PLXND1: variants seen among roughly 807,000 people sequenced by gnomAD.
PLXND1 encodes plexin D1.
In PLXND1, 54 loss-of-function variants were observed where a neutral mutation model predicts 197.7. That is an observed-to-expected ratio of 0.27 (90% confidence interval 0.22 to 0.34). The LOEUF (loss-of-function observed/expected upper bound fraction) is 0.34, where lower values mean the gene tolerates loss of function less well. Among genes scored for constraint, PLXND1 ranks in the 10% least tolerant of loss-of-function variants. The probability of loss-of-function intolerance (pLI) is 1.00; values close to 1 mark genes in which losing one functional copy is unlikely to be tolerated. For synonymous variants in PLXND1, 1,180 were observed against 1,161.2 expected (o/e 1.02, Z -0.33); for missense variants, 2,127 against 2,699.2 (o/e 0.79, Z 4.70).
chr3:129,586,533 A>G, intron 3 of PLXND1, 55 bp downstream of exon 3: 4 of 1,551,068 alleles, frequency 2.6e-6, no homozygotes, highest in African/African-American at 1.4e-5. Context: ...AGGCCAGGCA[A>G]GCAAGAGGGC....
chr3:129,573,821 C>A, intron 12 of PLXND1, 76 bp from the exon 13 acceptor site: 1 of 1,515,534 alleles, frequency 6.6e-7, no homozygotes. Flanking sequence ...CAGTCACAGG[C>A]ACCCAGCAGG....
intron 32 of PLXND1, chr3:129,559,289 C>G (rs992933074): frequency 2.5e-5 from 6 of 237,334 alleles, no homozygotes; most frequent in African/African-American, 1.3e-4. Flanking sequence ...GCAGGTGCTG[C>G]TTCTCCGAGC....
At chr3:129,584,706 G>T in intron 5 of PLXND1, 144 bp from the exon 6 acceptor site, 1 of 704,760 alleles carries the variant, frequency 1.4e-6, no homozygotes. Flanking sequence ...CAGGGCCAGA[G>T]GGCTATGCCC....
chr3:129,585,434 C>A (rs545141146), intron 5 of PLXND1, among the ~76,000 whole-genome samples: 1 of 152,214 alleles, frequency 6.6e-6, no homozygotes, highest in Non-Finnish European at 1.5e-5. Flanking sequence ...TGGCACAAGC[C>A]GGGGGAGACC....
At chr3:129,605,261 T>TAC (rs2085766839) in intron 1 of PLXND1, 68 bp downstream of exon 1, 15 of 493,762 alleles carry the variant, frequency 3.0e-5, no homozygotes, top group South Asian at 7.0e-5. Context: ...CCCGCTCGGT[T>TAC]CCCGCCCGCC....
chr3:129,585,907 G>A, intron 5 of PLXND1, 45 bp downstream of exon 5: 1 of 1,610,754 alleles, frequency 6.2e-7, no homozygotes, highest in Non-Finnish European at 8.5e-7. Flanking sequence ...GTGAAGGGAG[G>A]CTCCCCTGTG....
intron 1 of PLXND1, among the ~76,000 whole-genome samples, chr3:129,593,151 T>C (rs1462735468): frequency 6.6e-6 from 1 of 152,096 alleles, no homozygotes; most frequent in Non-Finnish European, 1.5e-5. Context: ...AGACCCTCCC[T>C]ACCTACAACC....
chr3:129,559,914 C>T (rs1306850642), intron 31 of PLXND1, 131 bp from the exon 32 acceptor site: 17 of 769,142 alleles, frequency 2.2e-5, no homozygotes, highest in Non-Finnish European at 3.4e-5. Flanking sequence ...TCAGGCTGGT[C>T]ACCGAGCCTC....
rs1350799378 is a variant in PLXND1 at position 129,575,514 on chromosome 3, T to C, written c.2485A>G (p.Lys829Glu). 3.9e-6 allele frequency: 6 copies of C among 1,556,854 alleles called. No individual in the cohort carries two copies. Among genetic ancestry groups the C allele is most frequent in the Admixed American group, 3.9e-5 (2 of 51,728 alleles). The change falls in exon 11 of 36, where the codon AAG (lysine) becomes GAG (glutamate). Residue 829 changes from lysine (K) to glutamate (E), a missense_variant. Coordinates refer to ENST00000324093, the MANE Select transcript of PLXND1 (RefSeq NM_015103.3). The part of the protein sequence containing the change: ...SQVFPLSLQL[K>E]GRPARFLDSP... ...TCCAGGAATCGGGCTGGCCGCCCCT[T>C]TAGTTGGAGGCTGAGCGGGAACACC... is the stretch of plus-strand genomic sequence containing the variant.
Position 129,605,596 on chromosome 3 carries a change from G to C in PLXND1, c.1044C>G (p.Gly348=), listed in dbSNP as rs1297611996. The C allele has an allele frequency of 6.6e-7, 1 of 1,525,170 alleles. No homozygotes were observed. The highest frequency in any genetic ancestry group is 1.2e-5 in the South Asian group (1 of 83,354). 94.5% of individuals were successfully genotyped at this position (1,525,170 alleles called of 1,614,324 possible). A position where few individuals can be genotyped will look rare whatever the true frequency, so the allele number is the denominator to read the frequency against. The change falls in exon 1 of 36, where the codon GGC becomes GGG. Residue 348 remains glycine (G), a synonymous_variant. Coordinates refer to ENST00000324093, the MANE Select transcript of PLXND1 (RefSeq NM_015103.3). ...YIQLGLQCAG[G]AGRGDLYSRL... Reference sequence around the variant, plus strand: ...GGCTGTAGAGGTCGCCGCGGCCCGCGCCGCCCGCGCACTGCAAGCCCAACT... The same window carrying C: ...GGCTGTAGAGGTCGCCGCGGCCCGCCCCGCCCGCGCACTGCAAGCCCAACT...
intron 29 of PLXND1, 68 bp downstream of exon 29, chr3:129,561,578 T>G (rs2085061013): frequency 8.2e-7 from 1 of 1,212,196 alleles, no homozygotes; most frequent in Non-Finnish European, 1.2e-6. Context: ...GCTTCCCCAC[T>G]GGGGCATGGG....
intron 8 of PLXND1, among the ~76,000 whole-genome samples, chr3:129,583,342 G>A (rs2085411271): frequency 6.6e-6 from 1 of 152,212 alleles, no homozygotes; most frequent in South Asian, 2.1e-4. Context: ...TCAAGGATAT[G>A]CATAGTGCCC....
chr3:129,566,515 T>G lies in PLXND1; in HGVS notation c.4191+12A>C, dbSNP rs559625088. ...GAAGCAGCCCACTGTGTGTGGGTCG[T>G]GGGGTACTCACCTTCCACTCTCCCA... On this transcript the variant is annotated intron_variant, in intron 23 of 35. Transcript: ENST00000324093. 14 of 1,542,534 alleles carry G rather than the reference T, an allele frequency of 9.1e-6. No homozygotes were observed. The highest frequency in any genetic ancestry group is 1.4e-5 in the African/African-American group (1 of 73,604).
rs1260616792 is a variant in PLXND1 at position 129,577,398 on chromosome 3, T to C, written c.2346+931A>G. 6.6e-6 allele frequency among the ~76,000 whole-genome samples: 1 copy of C among 152,024 alleles called. No homozygotes were observed. The highest frequency in any genetic ancestry group is 2.4e-5 in the African/African-American group (1 of 41,410). On this transcript the variant is annotated intron_variant, in intron 9 of 35. Transcript: ENST00000324093. This position sits in a 1 kb window ranked among gnomAD's most constrained non-coding sequence, Gnocchi z 5.0. ...CGCCCACGGCCCAGGGGCAGAGCCATCCTGCCCACCCACCCAGCCCCCTGG... is the reference window on the plus strand; with the variant it reads ...CGCCCACGGCCCAGGGGCAGAGCCACCCTGCCCACCCACCCAGCCCCCTGG...
intron 19 of PLXND1, 74 bp from the exon 20 acceptor site, chr3:129,570,031 T>G: frequency 1.2e-6 from 1 of 845,648 alleles, no homozygotes; most frequent in South Asian, 1.4e-5. Flanking sequence ...ACTTGCTGTG[T>G]GGCCCTGGGT....
At chr3:129,584,300 T>C in intron 6 of PLXND1, 67 bp from the exon 7 acceptor site, 2 of 1,596,166 alleles carry the variant, frequency 1.3e-6, no homozygotes, top group Non-Finnish European at 1.7e-6. Context: ...TCAGAAGCTG[T>C]GACCTCTGGC....
Position 129,578,405 on chromosome 3 carries a change from A to G in PLXND1, c.2270T>C (p.Leu757Pro), listed in dbSNP as rs780117025. Reference sequence around the variant, plus strand: ...CGTAGGCACGGGTGCCAGGGGTGAGAGCAGGGTCCGGGGGCAGTCCTGAGG... The same window carrying G: ...CGTAGGCACGGGTGCCAGGGGTGAGGGCAGGGTCCGGGGGCAGTCCTGAGG... ...TSPQDCPRTLLSPLAPVPTGG... is the reference protein window; with the variant it reads ...TSPQDCPRTLPSPLAPVPTGG... The change falls in exon 9 of 36, where the codon CTC (leucine) becomes CCC (proline). Residue 757 changes from leucine (L) to proline (P), a missense_variant. Physicochemically the swap from Leu to Pro is moderately conservative, Grantham distance 98. Around this residue, in one of 6 missense-constraint regions of PLXND1, gnomAD observed 1,095 missense variants for 1,259.8 expected, o/e 0.87. Coordinates refer to ENST00000324093, the MANE Select transcript of PLXND1 (RefSeq NM_015103.3). The G allele has an allele frequency of 6.2e-6, 10 of 1,602,522 alleles. No homozygotes were observed. The highest frequency in any genetic ancestry group is 2.2e-5 in the East Asian group (1 of 44,468).
At chr3:129,562,031 C>T in intron 27 of PLXND1, 128 bp from the exon 28 acceptor site, 2 of 666,174 alleles carry the variant, frequency 3.0e-6, no homozygotes, top group South Asian at 1.7e-5. Flanking sequence ...CCATACCTCT[C>T]TCTGAGCCTC....
Position 129,571,848 on chromosome 3 carries a change from G to C in PLXND1, c.3078-4C>G, listed in dbSNP as rs183354923. On this transcript the variant is annotated splice_region_variant and splice_polypyrimidine_tract_variant and intron_variant, in intron 15 of 35. Transcript: ENST00000324093. ...GGCGATGCTGGTATCTGTGCGCCTGGGGGGAGCAGCAGGTTATCAGCAGGG... is the reference window on the plus strand; with the variant it reads ...GGCGATGCTGGTATCTGTGCGCCTGCGGGGAGCAGCAGGTTATCAGCAGGG... The C allele has an allele frequency of 1.0e-4, 161 of 1,606,598 alleles. 3 individuals are homozygous for C. The South Asian group carries it at 1.5e-3, about 15-fold the overall frequency.
Sources: allele counts gnomAD v4.1 joint callset (sites outside exome capture counted in the v4.1 genomes callset), GRCh38; gene constraint gnomAD v4.1.1; regional missense constraint gnomAD v4.1.1; non-coding constraint Gnocchi (gnomAD v3.1); transcripts MANE v1.5; gene names NCBI Gene and HGNC (gene_info 2026-07-23, HGNC 2026-07-21).